TRIM37: variants seen among roughly 807,000 people sequenced by gnomAD.
The protein encoded by TRIM37 is tripartite motif containing 37.
In TRIM37, 80 loss-of-function variants were observed where a neutral mutation model predicts 129.8. The observed-to-expected ratio is 0.62, with a 90% CI of 0.51 to 0.74. TRIM37 has a LOEUF of 0.74. TRIM37 is among the 30% of genes least tolerant of loss of function. The probability of loss-of-function intolerance (pLI) is 0.00; values close to 1 mark genes in which losing one functional copy is unlikely to be tolerated. For missense variants in TRIM37, 1,054 were observed against 1,176.5 expected (o/e 0.90, Z 1.52); for synonymous variants, 389 against 387.1 (o/e 1.00, Z -0.06).
In TRIM37 at chr17:59,101,204, G is replaced by T. The variant is rs190213933; in HGVS notation, c.123+3089C>A. On this transcript the variant is annotated intron_variant, in intron 2 of 23. Transcript: ENST00000262294. ...GCATTCAGGAACCAAGACAGCCCTA[G>T]AAAGAAAGGTCAGAACCAGATCTGG... Among the ~76,000 whole-genome samples the T allele has an allele frequency of 2.0e-5, 3 of 152,200 alleles. No individual in the cohort carries two copies. The East Asian group carries it at 5.8e-4, about 29-fold the overall frequency.
intron 5 of TRIM37, among the ~76,000 whole-genome samples, chr17:59,082,282 A>AC (rs1165075111): frequency 6.6e-6 from 1 of 152,108 alleles, no homozygotes; most frequent in Non-Finnish European, 1.5e-5. Context: ...AAAAAACAAA[A>AC]CAAAACAAAT....
chr17:59,052,800 C>T (rs150785466), intron 13 of TRIM37, among the ~76,000 whole-genome samples: 4,242 of 152,062 alleles, frequency 0.028, 164 homozygotes, highest in African/African-American at 0.086. Flanking sequence ...ACTAAAAGTA[C>T]AAAAATTAGC....
At chr17:59,070,208 C>G (rs1236587312) in intron 9 of TRIM37, among the ~76,000 whole-genome samples, 1 of 152,152 alleles carries the variant, frequency 6.6e-6, no homozygotes, top group Admixed American at 6.6e-5. Context: ...ATATGCTGTT[C>G]AGAAAAATTC....
chr17:58,999,819 T>A (rs574479216), intron 23 of TRIM37, among the ~76,000 whole-genome samples: 1 of 152,284 alleles, frequency 6.6e-6, no homozygotes, highest in Admixed American at 6.5e-5. Flanking sequence ...AAAACATATT[T>A]CAAAGCCAAT....
intron 19 of TRIM37, among the ~76,000 whole-genome samples, chr17:59,020,028 C>T (rs777589300): frequency 3.3e-5 from 5 of 151,426 alleles, no homozygotes; most frequent in African/African-American, 4.9e-5. Context: ...GTCAGGAGTT[C>T]GAGACCAGCC....
intron 19 of TRIM37, among the ~76,000 whole-genome samples, chr17:59,017,720 G>T (rs993309028): frequency 6.6e-6 from 1 of 152,086 alleles, no homozygotes; most frequent in Middle Eastern, 3.4e-3. Flanking sequence ...CACCTCCTGG[G>T]TTCAAGCAAT....
intron 16 of TRIM37, among the ~76,000 whole-genome samples, chr17:59,042,441 AAAAAAAAAATATAT>A (rs1236095106): frequency 0.2 from 16,992 of 84,036 alleles, 1,620 homozygotes; most frequent in East Asian, 0.4. Flanking sequence ...TAAAAAAAAA[AAAAAAAAAATATAT>A]ATATATATAT....
In TRIM37 at chr17:58,998,945, T is replaced by C. The variant is rs2033316751; in HGVS notation, c.*432A>G. On this transcript the variant is annotated 3_prime_UTR_variant, in exon 24 of 24. Transcript: ENST00000262294. Reference sequence around the variant, plus strand: ...TCTACAGGCACTAATGGAACTGTAATTAAAACCCCAAATATAAAGATGATT... The same window carrying C: ...TCTACAGGCACTAATGGAACTGTAACTAAAACCCCAAATATAAAGATGATT... 9.7e-7 allele frequency: 1 copy of C among 1,032,726 alleles called. No homozygotes were observed. Among genetic ancestry groups the C allele is most frequent in the Non-Finnish European group, 1.2e-6 (1 of 857,942 alleles). 64.0% of individuals were successfully genotyped at this position (1,032,726 alleles called of 1,614,324 possible). A position where few individuals can be genotyped will look rare whatever the true frequency, so the allele number is the denominator to read the frequency against.
intron 24 of TRIM37, among the ~76,000 whole-genome samples, chr17:58,988,757 G>A (rs1261557051): frequency 4.6e-5 from 7 of 152,124 alleles, no homozygotes; most frequent in Admixed American, 4.6e-4. Flanking sequence ...CAGAAACACA[G>A]TGCTCTGGTA....
intron 19 of TRIM37, among the ~76,000 whole-genome samples, chr17:59,023,360 G>A (rs1158500921): frequency 6.6e-6 from 1 of 152,168 alleles, no homozygotes; most frequent in Non-Finnish European, 1.5e-5. Flanking sequence ...TTACAGGCGT[G>A]AGCCATTGCA....
At chr17:59,076,055 C>A (rs750989173) in intron 7 of TRIM37, among the ~76,000 whole-genome samples, 76 of 152,300 alleles carry the variant, frequency 5.0e-4, no homozygotes, top group Non-Finnish European at 2.9e-4. Context: ...ACATGAATTT[C>A]ATTCAATCAG....
In TRIM37 at chr17:58,998,935, G is replaced by T; in HGVS notation, c.*442C>A. 9.7e-7 allele frequency: 1 copy of T among 1,031,214 alleles called. No individual in the cohort carries two copies. Among genetic ancestry groups the T allele is most frequent in the Non-Finnish European group, 1.2e-6 (1 of 857,160 alleles). 63.9% of individuals were successfully genotyped at this position (1,031,214 alleles called of 1,614,324 possible). A position where few individuals can be genotyped will look rare whatever the true frequency, so the allele number is the denominator to read the frequency against. On this transcript the variant is annotated 3_prime_UTR_variant, in exon 24 of 24. Coordinates refer to ENST00000262294, the MANE Select transcript of TRIM37 (RefSeq NM_015294.6). ...TGTTCACTAATCTACAGGCACTAAT[G>T]GAACTGTAATTAAAACCCCAAATAT...
chr17:58,969,462 C>T, the TRIM37 span: 1 of 1,405,556 alleles, frequency 7.1e-7, no homozygotes, highest in Non-Finnish European at 1.0e-6. Context: ...GGATGGGCAA[C>T]AATGATGCCA....
intron 22 of TRIM37, among the ~76,000 whole-genome samples, chr17:59,007,698 T>C (rs2034720190): frequency 6.6e-6 from 1 of 152,186 alleles, no homozygotes; most frequent in Non-Finnish European, 1.5e-5. Flanking sequence ...CAGCGACTAA[T>C]ACAACCAAAG....
At chr17:58,991,956 C>T (rs1217554371) in intron 24 of TRIM37, among the ~76,000 whole-genome samples, 2 of 152,026 alleles carry the variant, frequency 1.3e-5, no homozygotes, top group Non-Finnish European at 2.9e-5. Context: ...CAAAGTCTTC[C>T]ACAAGACTGC....
intron 13 of TRIM37, among the ~76,000 whole-genome samples, chr17:59,052,798 T>C (rs1465014896): frequency 1.3e-5 from 2 of 151,892 alleles, no homozygotes; most frequent in East Asian, 1.9e-4. Flanking sequence ...CTACTAAAAG[T>C]ACAAAAATTA....
intron 4 of TRIM37, chr17:59,087,960 C>T: frequency 2.1e-6 from 1 of 476,400 alleles, no homozygotes; most frequent in Non-Finnish European, 3.7e-6. Flanking sequence ...AATGACTTAA[C>T]ACTGTATTAT....
intron 22 of TRIM37, among the ~76,000 whole-genome samples, chr17:59,010,472 A>T (rs2035113466): frequency 6.6e-6 from 1 of 152,168 alleles, no homozygotes; most frequent in African/African-American, 2.4e-5. Flanking sequence ...CATTTCATAA[A>T]TGTTGCATGA....
chr17:58,999,075 G>C lies in TRIM37; in HGVS notation c.*302C>G. 1 of 1,196,174 alleles carries C rather than the reference G, an allele frequency of 8.4e-7. No individual in the cohort carries two copies. Among genetic ancestry groups the C allele is most frequent in the Non-Finnish European group, 1.0e-6 (1 of 956,932 alleles). 74.1% of individuals were successfully genotyped at this position (1,196,174 alleles called of 1,614,324 possible). On this transcript the variant is annotated 3_prime_UTR_variant, in exon 24 of 24. Transcript: ENST00000262294. ...AGGTACATTTTCTGGCAGTTAACCAGCCTTCTGCTGTAGTAGACAAACTGC... is the reference window on the plus strand; with the variant it reads ...AGGTACATTTTCTGGCAGTTAACCACCCTTCTGCTGTAGTAGACAAACTGC...
Sources: gnomAD v4.1 joint callset for allele counts (sites outside exome capture counted in the v4.1 genomes callset) on GRCh38, gnomAD v4.1.1 for gene constraint, MANE v1.5 for transcripts, NCBI Gene and HGNC (gene_info 2026-07-23, HGNC 2026-07-21) for gene names.